Variants in FRYL observed in about 807,000 individuals in gnomAD.
The protein encoded by FRYL is protein furry homolog-like.
Under a neutral mutation model 351.2 loss-of-function variants are expected in FRYL, and 150 were observed. The observed-to-expected ratio is 0.43, with a 90% CI of 0.37 to 0.49. The LOEUF (loss-of-function observed/expected upper bound fraction) is 0.49, where lower values mean the gene tolerates loss of function less well. FRYL is among the 20% of genes least tolerant of loss of function. The probability of loss-of-function intolerance (pLI) is 0.00; values close to 1 mark genes in which losing one functional copy is unlikely to be tolerated. For synonymous variants in FRYL, 1,153 were observed against 1,257.1 expected, an observed-to-expected ratio of 0.92 and a Z score of 1.75; for missense variants, 3,036 against 3,619.3, an observed-to-expected ratio of 0.84 and a Z score of 4.13.
chr4:48,609,455 T>C (rs1235882092), intron 8 of FRYL, among the ~76,000 whole-genome samples: 1 of 151,966 alleles, frequency 6.6e-6, no homozygotes, highest in African/African-American at 2.4e-5. Flanking sequence ...ACTCTGTTTC[T>C]ACAAAAAAAT....
intron 12 of FRYL, among the ~76,000 whole-genome samples, chr4:48,602,966 G>T (rs1262461464): frequency 6.6e-6 from 1 of 152,106 alleles, no homozygotes; most frequent in Non-Finnish European, 1.5e-5. Context: ...TACTATTTAG[G>T]TTTGTGTAAG....
At chr4:48,536,111 T>C (rs903889249) in intron 47 of FRYL, among the ~76,000 whole-genome samples, 1 of 152,198 alleles carries the variant, frequency 6.6e-6, no homozygotes, top group Non-Finnish European at 1.5e-5. Context: ...AGAAACCATG[T>C]ATGGTGTGAA....
intron 1 of FRYL, among the ~76,000 whole-genome samples, chr4:48,744,707 C>T (rs1772472357): frequency 6.6e-6 from 1 of 152,194 alleles, no homozygotes; most frequent in Admixed American, 6.5e-5. Context: ...ATAACTTTAA[C>T]TGTTTTAAAA....
chr4:48,644,921 A>G (rs1756088726), intron 3 of FRYL, among the ~76,000 whole-genome samples: 1 of 151,708 alleles, frequency 6.6e-6, no homozygotes, highest in African/African-American at 2.4e-5. Context: ...AAATATTTAT[A>G]ATGTAGATGA....
chr4:48,514,706 ACATTTGGC>A (rs913134007), intron 56 of FRYL, among the ~76,000 whole-genome samples: 9 of 152,256 alleles, frequency 5.9e-5, no homozygotes, highest in African/African-American at 2.2e-4. Context: ...ATTGATTTTA[ACATTTGGC>A]CATTTGGCAT....
rs1159984768 is a variant in FRYL at position 48,551,476 on chromosome 4, G to A, written c.4520+18C>T. On this transcript the variant is annotated intron_variant, in intron 37 of 63. Coordinates refer to ENST00000358350, the MANE Select transcript of FRYL (RefSeq NM_015030.2). ...TCTGTCAAACTGAAAGGCTAATACA[G>A]AACAGAGAAGTACTTACCTCTCTTC... 1 of 1,459,914 alleles carries A rather than the reference G, an allele frequency of 6.8e-7. No individual in the cohort carries two copies. The allele number at this position is 1,459,914 out of a possible 1,614,324, so 90.4% of individuals were successfully genotyped here. A position where few individuals can be genotyped will look rare whatever the true frequency, so the allele number is the denominator to read the frequency against.
At chr4:48,605,032 A>C (rs1746480431) in intron 11 of FRYL, among the ~76,000 whole-genome samples, 1 of 152,210 alleles carries the variant, frequency 6.6e-6, no homozygotes, top group Non-Finnish European at 1.5e-5. Context: ...CTAATAAAAG[A>C]CTAAAACTGA....
chr4:48,500,301 G>T, intron 62 of FRYL, 81 bp from the exon 63 acceptor site: 1 of 788,492 alleles, frequency 1.3e-6, no homozygotes, highest in Non-Finnish European at 2.0e-6. Flanking sequence ...TATACCTGAT[G>T]GCAGTAGCAT....
chr4:48,712,523 G>C (rs189898088), intron 1 of FRYL, among the ~76,000 whole-genome samples: 13 of 152,270 alleles, frequency 8.5e-5, no homozygotes, highest in Admixed American at 2.0e-4. Flanking sequence ...AGAGAAAAAA[G>C]AATAAAAAGA....
intron 1 of FRYL, among the ~76,000 whole-genome samples, chr4:48,761,688 C>T (rs1037690239): frequency 6.6e-5 from 10 of 151,942 alleles, no homozygotes; most frequent in African/African-American, 2.2e-4. Context: ...AGTATCTAGA[C>T]GAGTAAGTAT....
chr4:48,503,692 C>T (rs1720257876), intron 60 of FRYL, among the ~76,000 whole-genome samples: 1 of 152,116 alleles, frequency 6.6e-6, no homozygotes, highest in Admixed American at 6.5e-5. Context: ...CTGTGAAGGA[C>T]TGTTTTTCAT....
At chr4:48,746,537 T>A (rs1772701459) in intron 1 of FRYL, among the ~76,000 whole-genome samples, 1 of 146,000 alleles carries the variant, frequency 6.8e-6, no homozygotes, top group Non-Finnish European at 1.5e-5. Flanking sequence ...AGAGCAAGAC[T>A]CCGTTTTAAA....
chr4:48,547,046 T>C (rs1210572776), intron 41 of FRYL, among the ~76,000 whole-genome samples: 1 of 152,138 alleles, frequency 6.6e-6, no homozygotes, highest in African/African-American at 2.4e-5. Context: ...ATTAGCCTGA[T>C]GGTACTGATG....
At chr4:48,568,973 T>C (rs535685528) in intron 27 of FRYL, among the ~76,000 whole-genome samples, 1 of 152,324 alleles carries the variant, frequency 6.6e-6, no homozygotes, top group East Asian at 1.9e-4. Flanking sequence ...TCCGTAGCCA[T>C]GAAAATTTAA....
chr4:48,628,938 TG>T (rs1752425495), intron 4 of FRYL, among the ~76,000 whole-genome samples: 1 of 151,488 alleles, frequency 6.6e-6, no homozygotes, highest in Admixed American at 6.6e-5. Flanking sequence ...AGTGATTAGA[TG>T]TTTTTATTAT....
At chr4:48,683,730 T>C (rs1045082455) in intron 3 of FRYL, among the ~76,000 whole-genome samples, 7 of 152,170 alleles carry the variant, frequency 4.6e-5, no homozygotes, top group Admixed American at 2.6e-4. Flanking sequence ...TAGAAGCAGA[T>C]TGTCTCTTAA....
intron 40 of FRYL, among the ~76,000 whole-genome samples, chr4:48,548,190 G>T (rs2148973011): frequency 6.6e-6 from 1 of 152,198 alleles, no homozygotes; most frequent in East Asian, 1.9e-4. Flanking sequence ...TGGCTATCTG[G>T]ACTTGCTTCA....
chr4:48,689,027 T>C (rs1765439260), intron 2 of FRYL, among the ~76,000 whole-genome samples: 1 of 152,178 alleles, frequency 6.6e-6, no homozygotes, highest in Admixed American at 6.5e-5. Context: ...CTGACTAATA[T>C]AATTACAGAT....
At position 48,498,742 on chromosome 4, in the gene FRYL, C is replaced by T. The variant is rs551432254; in HGVS notation, c.*680G>A. On this transcript the variant is annotated 3_prime_UTR_variant, in exon 64 of 64. Coordinates refer to ENST00000358350, the MANE Select transcript of FRYL (RefSeq NM_015030.2). ...TTTCTTCAAAAATAATCTTGCAGTGCTCTTTTAGGCATGCTCTGAGACGTT... is the reference window on the plus strand; with the variant it reads ...TTTCTTCAAAAATAATCTTGCAGTGTTCTTTTAGGCATGCTCTGAGACGTT... 54 of 152,572 alleles carry T rather than the reference C, an allele frequency of 3.5e-4. No homozygotes were observed. In the South Asian group the frequency reaches 5.8e-3, roughly 16 times the overall value. The allele number at this position is 152,572 out of a possible 1,614,324, so 9.5% of individuals were successfully genotyped here.
Sources: allele counts gnomAD v4.1 joint callset (sites outside exome capture counted in the v4.1 genomes callset), GRCh38; gene constraint gnomAD v4.1.1; transcripts MANE v1.5; gene names NCBI Gene and HGNC (gene_info 2026-07-23, HGNC 2026-07-21).